Variants in OSBPL6 observed in about 807,000 individuals in gnomAD.
OSBPL6 encodes the protein oxysterol-binding protein-related protein 6.
A neutral mutation model predicts 125.8 loss-of-function variants in OSBPL6; 49 were observed. The ratio of observed to expected loss-of-function variants is 0.39; its 90% CI spans 0.31 to 0.49. The LOEUF is 0.49. Ranked by LOEUF, OSBPL6 falls within the 20% of genes least tolerant of loss-of-function variation. The pLI, the probability that OSBPL6 is intolerant of heterozygous loss-of-function variation, is 0.88. For synonymous variants in OSBPL6, 394 were observed against 391.8 expected, an observed-to-expected ratio of 1.01 and a Z score of -0.07; for missense variants, 986 against 1,135.4, an observed-to-expected ratio of 0.87 and a Z score of 1.89.
intron 1 of OSBPL6, among the ~76,000 whole-genome samples, chr2:178,208,156 G>A (rs558491273): frequency 3.8e-4 from 58 of 151,896 alleles, no homozygotes; most frequent in Non-Finnish European, 7.1e-4. Context: ...GTGGTGGCAC[G>A]TGCCTATAGT....
At chr2:178,235,398 CTT>C (rs540269327) in intron 1 of OSBPL6, among the ~76,000 whole-genome samples, 1 of 78,024 alleles carries the variant, frequency 1.3e-5, no homozygotes, top group South Asian at 5.0e-4. Flanking sequence ...CTTTTCTTTT[CTT>C]TTTTTTTTTT....
At chr2:178,318,295 GA>G (rs1422357424) in intron 3 of OSBPL6, among the ~76,000 whole-genome samples, 7 of 152,310 alleles carry the variant, frequency 4.6e-5, no homozygotes, top group Admixed American at 1.3e-4. Context: ...TGCAGGAAGG[GA>G]TGGGACTGTG....
At chr2:178,263,922 T>G (rs2092147703) in intron 1 of OSBPL6, among the ~76,000 whole-genome samples, 1 of 152,078 alleles carries the variant, frequency 6.6e-6, no homozygotes, top group Non-Finnish European at 1.5e-5. Context: ...TCCCTGAAGC[T>G]TCTTCTTTCT....
chr2:178,297,297 T>C (rs1230909414), intron 2 of OSBPL6, among the ~76,000 whole-genome samples: 1 of 152,116 alleles, frequency 6.6e-6, no homozygotes, highest in Admixed American at 6.5e-5. Flanking sequence ...TAGGCAAATA[T>C]AGTAAAATTA....
intron 13 of OSBPL6, among the ~76,000 whole-genome samples, chr2:178,366,936 T>C (rs571286753): frequency 6.6e-6 from 1 of 152,326 alleles, no homozygotes; most frequent in Non-Finnish European, 1.5e-5. Context: ...ACCCTGTAGG[T>C]CCATGGCTGA....
chr2:178,298,418 T>A (rs1685953763), intron 2 of OSBPL6, among the ~76,000 whole-genome samples: 1 of 152,210 alleles, frequency 6.6e-6, no homozygotes, highest in Non-Finnish European at 1.5e-5. Flanking sequence ...TATGGCAATC[T>A]ATTTTTAGTT....
intron 1 of OSBPL6, among the ~76,000 whole-genome samples, chr2:178,200,666 T>C (rs1054961245): frequency 6.6e-6 from 1 of 152,186 alleles, no homozygotes; most frequent in African/African-American, 2.4e-5. Flanking sequence ...TTGAGGATGG[T>C]GATGGAGTGT....
chr2:178,292,179 C>T (rs1003143761), intron 2 of OSBPL6, among the ~76,000 whole-genome samples: 6 of 151,902 alleles, frequency 3.9e-5, no homozygotes, highest in African/African-American at 7.3e-5. Flanking sequence ...ACTTTTAACC[C>T]GTCTTCTCAA....
At chr2:178,221,438 G>A (rs991569295) in intron 1 of OSBPL6, among the ~76,000 whole-genome samples, 2 of 152,136 alleles carry the variant, frequency 1.3e-5, no homozygotes, top group African/African-American at 4.8e-5. Flanking sequence ...ATTATTGAGC[G>A]AAACTGAAGG....
In OSBPL6 at chr2:178,374,424, G is replaced by A. The variant is rs565807853; in HGVS notation, c.1533+397G>A. The stretch of plus-strand genomic sequence containing the variant: ...CGCATACACAGACACATACATATTA[G>A]ATATTTTTGCTAGGGACATGAATTT... On this transcript the variant is annotated intron_variant, in intron 15 of 24. Transcript: ENST00000190611. 9.8e-5 allele frequency among the ~76,000 whole-genome samples: 15 copies of A among 152,336 alleles called. 1 individual carries two copies. The South Asian group carries it at 3.1e-3, about 32-fold the overall frequency.
chr2:178,372,275 G>A (rs1334513141), intron 14 of OSBPL6, 42 bp downstream of exon 14: 1 of 1,411,786 alleles, frequency 7.1e-7, no homozygotes, highest in African/African-American at 1.4e-5. Context: ...CTATTTTTTA[G>A]CATCTAAATT....
At chr2:178,283,165 G>A (rs1369695221) in intron 1 of OSBPL6, among the ~76,000 whole-genome samples, 10 of 152,112 alleles carry the variant, frequency 6.6e-5, no homozygotes, top group East Asian at 1.9e-4. Flanking sequence ...ACACGGAATC[G>A]TCTTACAACA....
intron 13 of OSBPL6, among the ~76,000 whole-genome samples, chr2:178,365,558 C>T (rs1028481574): frequency 6.6e-6 from 1 of 152,022 alleles, no homozygotes; most frequent in Admixed American, 6.6e-5. Context: ...TGCCTGTAAT[C>T]CCAGCTACTT....
chr2:178,384,647 G>T (rs1302055682), intron 18 of OSBPL6, among the ~76,000 whole-genome samples: 1 of 152,142 alleles, frequency 6.6e-6, no homozygotes, highest in East Asian at 1.9e-4. Context: ...CTGTGAATCT[G>T]CATTTTTACA....
intron 1 of OSBPL6, among the ~76,000 whole-genome samples, chr2:178,249,899 C>G (rs1574627807): frequency 6.8e-6 from 1 of 148,078 alleles, no homozygotes; most frequent in East Asian, 2.0e-4. Context: ...CTTCCCACTT[C>G]CAGTAGGAGA....
chr2:178,283,141 A>G (rs1222834196), intron 1 of OSBPL6, among the ~76,000 whole-genome samples: 2 of 152,348 alleles, frequency 1.3e-5, no homozygotes, highest in African/African-American at 4.8e-5. Flanking sequence ...AATTTTACTC[A>G]GGACTTACAA....
chr2:178,349,209 A>G lies in OSBPL6; in HGVS notation c.988-15A>G, dbSNP rs762151341. On this transcript the variant is annotated splice_polypyrimidine_tract_variant and intron_variant, in intron 11 of 24. Transcript: ENST00000190611. ...GCACTGTTGCTGTTTAATAATTTGTATCTTCCCCTTTCAGGTTCCTTTCAG... is the reference window on the plus strand; with the variant it reads ...GCACTGTTGCTGTTTAATAATTTGTGTCTTCCCCTTTCAGGTTCCTTTCAG... The G allele has an allele frequency of 4.3e-6, 7 of 1,612,984 alleles. No homozygotes were observed. The highest frequency in any genetic ancestry group is 1.6e-4 in the Middle Eastern group (1 of 6,082).
intron 11 of OSBPL6, among the ~76,000 whole-genome samples, chr2:178,348,626 A>G (rs1690948243): frequency 6.6e-6 from 1 of 152,252 alleles, no homozygotes; most frequent in Non-Finnish European, 1.5e-5. Flanking sequence ...GTAACATACA[A>G]AGGTAAACCA....
At chr2:178,383,546 C>T (rs1694677496) in intron 17 of OSBPL6, among the ~76,000 whole-genome samples, 1 of 152,198 alleles carries the variant, frequency 6.6e-6, no homozygotes, top group Admixed American at 6.5e-5. Context: ...GTTGAAGGCA[C>T]ACCTTGCCTC....
Sources: gnomAD v4.1 joint callset for allele counts (sites outside exome capture counted in the v4.1 genomes callset) on GRCh38, gnomAD v4.1.1 for gene constraint, MANE v1.5 for transcripts, NCBI Gene and HGNC (gene_info 2026-07-23, HGNC 2026-07-21) for gene names.